Variants in AXDND1 observed in about 807,000 individuals in gnomAD.
The protein encoded by AXDND1 is axonemal dynein light chain domain containing 1.
Under a neutral mutation model 137.5 loss-of-function variants are expected in AXDND1, and 110 were observed. That is an observed-to-expected ratio of 0.80 (90% confidence interval 0.69 to 0.94). AXDND1 has a LOEUF of 0.94. Among genes scored for constraint, AXDND1 ranks in the 40% least tolerant of loss-of-function variants. The probability of loss-of-function intolerance (pLI) is 0.00; values close to 1 mark genes in which losing one functional copy is unlikely to be tolerated. For synonymous variants in AXDND1, 414 were observed against 399.7 expected, an observed-to-expected ratio of 1.04 and a Z score of -0.43; for missense variants, 1,191 against 1,169.8, an observed-to-expected ratio of 1.02 and a Z score of -0.26.
chr1:179,424,645 G>T (rs1447524935), intron 12 of AXDND1, among the ~76,000 whole-genome samples: 1 of 151,818 alleles, frequency 6.6e-6, no homozygotes, highest in Non-Finnish European at 1.5e-5. Context: ...AGCCAGACTG[G>T]TCTCAAACTC....
intron 21 of AXDND1, among the ~76,000 whole-genome samples, chr1:179,524,193 C>G (rs1165332788): frequency 6.6e-6 from 1 of 152,072 alleles, no homozygotes; most frequent in African/African-American, 2.4e-5. Context: ...TGCTTTTTCT[C>G]TGGGTAGATA....
chr1:179,392,400 T>C (rs1486940058), intron 9 of AXDND1, among the ~76,000 whole-genome samples: 1 of 152,242 alleles, frequency 6.6e-6, no homozygotes. Flanking sequence ...GTTGGTTCCA[T>C]ATTTTTGCAG....
At chr1:179,448,998 C>T (rs886761497) in intron 16 of AXDND1, 4 of 319,424 alleles carry the variant, frequency 1.3e-5, no homozygotes, top group African/African-American at 9.1e-5. Context: ...GCAATCCTCC[C>T]ACCTCAACCT....
At chr1:179,490,181 G>T (rs142429533) in intron 18 of AXDND1, among the ~76,000 whole-genome samples, 1 of 152,306 alleles carries the variant, frequency 6.6e-6, no homozygotes, top group East Asian at 1.9e-4. Context: ...GGAGATAGAT[G>T]TGCAAATGAC....
intron 18 of AXDND1, among the ~76,000 whole-genome samples, chr1:179,490,776 T>TTA (rs879647607): frequency 1.8e-4 from 27 of 151,868 alleles, no homozygotes; most frequent in African/African-American, 5.1e-4. Flanking sequence ...TTTTTTTTTT[T>TTA]ATCACACAAC....
chr1:179,367,150 AGG>A (rs1422230281), intron 2 of AXDND1, among the ~76,000 whole-genome samples: 1 of 151,418 alleles, frequency 6.6e-6, no homozygotes, highest in East Asian at 1.9e-4. Flanking sequence ...TGAACCCAGG[AGG>A]TGAGGTTGCA....
chr1:179,405,471 T>C (rs1652812406), intron 11 of AXDND1, among the ~76,000 whole-genome samples: 2 of 152,230 alleles, frequency 1.3e-5, no homozygotes, highest in Non-Finnish European at 2.9e-5. Context: ...GTATTTCTGG[T>C]TCCAGATCCT....
At chr1:179,437,120 A>G (rs1658279921) in intron 15 of AXDND1, among the ~76,000 whole-genome samples, 1 of 151,232 alleles carries the variant, frequency 6.6e-6, no homozygotes, top group African/African-American at 2.4e-5. Context: ...CTTGGGTGGC[A>G]GTGAGTGTAA....
chr1:179,386,417 A>G (rs1649236858), intron 9 of AXDND1, among the ~76,000 whole-genome samples: 1 of 150,050 alleles, frequency 6.7e-6, no homozygotes, highest in South Asian at 2.1e-4. Context: ...GTTTTTTTTC[A>G]CGTTTCTTGT....
intron 12 of AXDND1, among the ~76,000 whole-genome samples, chr1:179,422,646 G>A (rs1655937186): frequency 2.0e-5 from 3 of 152,174 alleles, no homozygotes; most frequent in South Asian, 2.1e-4. Context: ...TGTCAGTTAG[G>A]CCTATTAGGT....
intron 21 of AXDND1, among the ~76,000 whole-genome samples, chr1:179,520,487 C>A (rs527844145): frequency 1.3e-5 from 2 of 151,926 alleles, no homozygotes; most frequent in Admixed American, 6.6e-5. Flanking sequence ...GATGTTGCCT[C>A]GGCTGGTCTC....
At chr1:179,470,670 T>C (rs1407989013) in intron 17 of AXDND1, among the ~76,000 whole-genome samples, 2 of 151,990 alleles carry the variant, frequency 1.3e-5, no homozygotes, top group Non-Finnish European at 2.9e-5. Flanking sequence ...TTAGTTGCAA[T>C]AATTTTTTAA....
At chr1:179,545,193 C>G (rs1173742902) in intron 25 of AXDND1, 1 of 152,214 alleles carries the variant, frequency 6.6e-6, no homozygotes, top group African/African-American at 2.4e-5. Context: ...TGCCTTTGCT[C>G]TTATCTCTGA....
chr1:179,451,020 T>C, intron 16 of AXDND1: 1 of 152,252 alleles, frequency 6.6e-6, no homozygotes, highest in East Asian at 1.9e-4. Flanking sequence ...GCATCTATAG[T>C]TATAAGATAT....
rs1043654210 is a variant in AXDND1, at chr1:179,551,791, G to C, written c.3032-2721G>C. The C allele has an allele frequency of 2.3e-5, 7 of 303,722 alleles. No homozygotes were observed. In the East Asian group the frequency reaches 4.6e-4, roughly 20 times the overall value. The allele number at this position is 303,722 out of a possible 1,614,324, so 18.8% of individuals were successfully genotyped here. On this transcript the variant is annotated intron_variant, in intron 25 of 25. Coordinates refer to ENST00000367618, the MANE Select transcript of AXDND1 (RefSeq NM_144696.6). ...ATGCAAAGGCATGACGTTATGAAAG[G>C]GTGACCCCCAACTCAGGGAAAGTGA... is the stretch of plus-strand genomic sequence containing the variant.
At chr1:179,453,128 G>A (rs1260850446) in intron 16 of AXDND1, 1 of 152,272 alleles carries the variant, frequency 6.6e-6, no homozygotes, top group Non-Finnish European at 1.5e-5. Context: ...TTCAGAGGAT[G>A]TATGGAAACG....
At chr1:179,498,152 A>G (rs1458810263) in intron 20 of AXDND1, among the ~76,000 whole-genome samples, 1 of 152,126 alleles carries the variant, frequency 6.6e-6, no homozygotes, top group Non-Finnish European at 1.5e-5. Flanking sequence ...GAATTTGAAA[A>G]AAATATTAAA....
intron 16 of AXDND1, among the ~76,000 whole-genome samples, chr1:179,457,622 T>C (rs573162190): frequency 1.5e-3 from 235 of 152,326 alleles, no homozygotes; most frequent in Non-Finnish European, 2.9e-3. Flanking sequence ...TTTATCCACA[T>C]ATTCATATTT....
At chr1:179,399,061 G>A (rs572233111) in intron 11 of AXDND1, among the ~76,000 whole-genome samples, 2 of 152,284 alleles carry the variant, frequency 1.3e-5, no homozygotes, top group Non-Finnish European at 2.9e-5. Context: ...CAGGCAGGCT[G>A]GTGCTATGGG....
Sources: allele counts gnomAD v4.1 joint callset (sites outside exome capture counted in the v4.1 genomes callset), GRCh38; gene constraint gnomAD v4.1.1; transcripts MANE v1.5; gene names NCBI Gene and HGNC (gene_info 2026-07-23, HGNC 2026-07-21).